Variants in HECW1 observed in about 807,000 individuals in gnomAD.
HECW1 encodes E3 ubiquitin-protein ligase HECW1.
In HECW1, 61 loss-of-function variants were observed where a neutral mutation model predicts 182.3. The ratio of observed to expected loss-of-function variants is 0.33; its 90% CI spans 0.27 to 0.41. The LOEUF (loss-of-function observed/expected upper bound fraction) is 0.41. Ranked by LOEUF, HECW1 falls within the 10% of genes least tolerant of loss-of-function variation. HECW1 has a pLI of 1.00. For missense variants in HECW1, 1,739 were observed against 2,108.9 expected (o/e 0.82, Z 3.44); for synonymous variants, 859 against 832.6 (o/e 1.03, Z -0.55).
At chr7:43,197,703 ATG>A (rs1794596875) in intron 2 of HECW1, among the ~76,000 whole-genome samples, 1 of 152,032 alleles carries the variant, frequency 6.6e-6, no homozygotes, top group South Asian at 2.1e-4. Flanking sequence ...GGTGAGGGGG[ATG>A]TCAGTTTGCT....
chr7:43,282,853 C>A (rs937923081), intron 3 of HECW1, among the ~76,000 whole-genome samples: 1 of 152,088 alleles, frequency 6.6e-6, no homozygotes, highest in Non-Finnish European at 1.5e-5. Context: ...TGCGGTGGCT[C>A]ACGACTGTAA....
At chr7:43,538,243 G>A (rs1422057650) in intron 24 of HECW1, among the ~76,000 whole-genome samples, 1 of 152,158 alleles carries the variant, frequency 6.6e-6, no homozygotes, top group Non-Finnish European at 1.5e-5. Flanking sequence ...GCTTAGAGGA[G>A]CCAAAGGGAG....
At chr7:43,272,793 G>A (rs888448010) in intron 3 of HECW1, among the ~76,000 whole-genome samples, 2 of 152,136 alleles carry the variant, frequency 1.3e-5, no homozygotes, top group Non-Finnish European at 1.5e-5. Context: ...CAGAGCTATC[G>A]TTTGTCCCAG....
intron 4 of HECW1, among the ~76,000 whole-genome samples, chr7:43,319,702 C>G (rs1465473069): frequency 8.8e-5 from 12 of 135,680 alleles, no homozygotes; most frequent in Non-Finnish European, 1.8e-4. Flanking sequence ...TGGGTTCAAG[C>G]GATTCTCCTG....
chr7:43,432,341 G>A lies in HECW1; in HGVS notation c.802-5662G>A, dbSNP rs934148747. Among the ~76,000 whole-genome samples the A allele has an allele frequency of 5.3e-5, 8 of 150,440 alleles. No individual in the cohort carries two copies. Among genetic ancestry groups the A allele is most frequent in the Non-Finnish European group, 8.9e-5 (6 of 67,636 alleles). On this transcript the variant is annotated intron_variant, in intron 8 of 29. Coordinates refer to ENST00000395891, the MANE Select transcript of HECW1 (RefSeq NM_015052.5). The surrounding 1 kb of genome is among the most constrained non-coding windows in gnomAD (Gnocchi z 4.1). The stretch of plus-strand genomic sequence containing the variant: ...TTTTTAGTAGAGACGGGGTTTCACC[G>A]TTTTAGCCGGGATGGTCTCGATCTC...
intron 2 of HECW1, among the ~76,000 whole-genome samples, chr7:43,230,881 G>C (rs1207905717): frequency 6.9e-6 from 1 of 144,332 alleles, no homozygotes; most frequent in Non-Finnish European, 1.6e-5. Flanking sequence ...AGTATGCCAA[G>C]ATTTAAAAAA....
chr7:43,549,209 GA>G (rs747714946), intron 26 of HECW1, among the ~76,000 whole-genome samples: 69 of 152,334 alleles, frequency 4.5e-4, no homozygotes, highest in Non-Finnish European at 7.9e-4. Flanking sequence ...AGCTGTGAGA[GA>G]GGTTGGAAAA....
chr7:43,182,553 A>G (rs1792970579), intron 2 of HECW1, among the ~76,000 whole-genome samples: 1 of 152,330 alleles, frequency 6.6e-6, no homozygotes, highest in South Asian at 2.1e-4. Context: ...CTTGGTTACT[A>G]TAGCTTTGCA....
chr7:43,311,710 G>T, intron 3 of HECW1, 53 bp from the exon 4 acceptor site: 1 of 1,536,738 alleles, frequency 6.5e-7, no homozygotes, highest in South Asian at 1.1e-5. Flanking sequence ...TGATGACGGT[G>T]ACTGAGTTGC....
chr7:43,504,179 A>G (rs970143970), intron 21 of HECW1, among the ~76,000 whole-genome samples: 5 of 152,142 alleles, frequency 3.3e-5, no homozygotes, highest in Non-Finnish European at 5.9e-5. Flanking sequence ...GATGACTTCA[A>G]CATCGACAGG....
chr7:43,396,767 A>G (rs2075246077), intron 6 of HECW1, 47 bp from the exon 7 acceptor site: 1 of 1,263,226 alleles, frequency 7.9e-7, no homozygotes, highest in Admixed American at 1.7e-5. Flanking sequence ...GTGAATATCC[A>G]TTTCAGTGCT....
At chr7:43,258,372 A>T (rs1013077144) in intron 3 of HECW1, among the ~76,000 whole-genome samples, 3 of 151,820 alleles carry the variant, frequency 2.0e-5, no homozygotes, top group African/African-American at 7.3e-5. Flanking sequence ...AAAATAAAAA[A>T]ATAAAAAAAA....
At chr7:43,515,461 C>G (rs1337227517) in intron 24 of HECW1, among the ~76,000 whole-genome samples, 2 of 152,106 alleles carry the variant, frequency 1.3e-5, no homozygotes, top group Non-Finnish European at 1.5e-5. Flanking sequence ...CAAAATAGGG[C>G]AGAAGCAGTA....
chr7:43,393,746 A>G (rs1450995768), intron 6 of HECW1, among the ~76,000 whole-genome samples: 1 of 151,546 alleles, frequency 6.6e-6, no homozygotes, highest in Non-Finnish European at 1.5e-5. Context: ...TGTAAATACT[A>G]TGAATGCCAG....
intron 3 of HECW1, among the ~76,000 whole-genome samples, chr7:43,287,445 G>A (rs979346365): frequency 6.6e-6 from 1 of 150,802 alleles, no homozygotes; most frequent in African/African-American, 2.5e-5. Flanking sequence ...GGCAATGGTG[G>A]GAGAAGGAAG....
At chr7:43,381,414 TG>T (rs1554391662) in intron 6 of HECW1, among the ~76,000 whole-genome samples, 2 of 152,016 alleles carry the variant, frequency 1.3e-5, no homozygotes, top group Non-Finnish European at 2.9e-5. Flanking sequence ...CTTGAACTCC[TG>T]GGCTCAAGCA....
At chr7:43,385,207 TC>T (rs2074723831) in intron 6 of HECW1, among the ~76,000 whole-genome samples, 1 of 10,748 alleles carries the variant, frequency 9.3e-5, no homozygotes, top group Non-Finnish European at 1.6e-4. Context: ...TCCCCTCCCC[TC>T]CCCTCTCCCC....
chr7:43,141,428 G>A (rs1221168963), intron 2 of HECW1, among the ~76,000 whole-genome samples: 1 of 152,150 alleles, frequency 6.6e-6, no homozygotes, highest in Non-Finnish European at 1.5e-5. Context: ...TTCTTAGAAT[G>A]TGCTTCTCTT....
intron 2 of HECW1, among the ~76,000 whole-genome samples, chr7:43,222,691 CAT>C (rs939664217): frequency 7.2e-5 from 11 of 152,304 alleles, no homozygotes; most frequent in African/African-American, 1.9e-4. Context: ...GGAAACCTGA[CAT>C]GTGTGAGATT....
Sources: allele counts gnomAD v4.1 joint callset (sites outside exome capture counted in the v4.1 genomes callset), GRCh38; gene constraint gnomAD v4.1.1; non-coding constraint Gnocchi (gnomAD v3.1); transcripts MANE v1.5; gene names NCBI Gene and HGNC (gene_info 2026-07-23, HGNC 2026-07-21).